MSRB3: variants seen among roughly 807,000 people sequenced by gnomAD.
MSRB3 encodes the protein methionine sulfoxide reductase B3.
Under a neutral mutation model 21.0 loss-of-function variants are expected in MSRB3, and 13 were observed. The observed-to-expected ratio is 0.62, with a 90% CI of 0.40 to 0.98. The LOEUF (loss-of-function observed/expected upper bound fraction) is 0.98. Among genes scored for constraint, MSRB3 ranks in the 50% least tolerant of loss-of-function variants. MSRB3 has a pLI of 0.00. For synonymous variants in MSRB3, 87 were observed against 88.6 expected (o/e 0.98, Z 0.10); for missense variants, 199 against 230.3 (o/e 0.86, Z 0.88).
intron 5 of MSRB3, among the ~76,000 whole-genome samples, chr12:65,374,981 C>A (rs2136545156): frequency 6.6e-6 from 1 of 151,304 alleles, no homozygotes; most frequent in South Asian, 2.1e-4. Flanking sequence ...TCTCGAGTAG[C>A]CGGGACTACA....
intron 4 of MSRB3, among the ~76,000 whole-genome samples, chr12:65,359,738 GA>G (rs1319020008): frequency 2.0e-5 from 3 of 152,150 alleles, no homozygotes; most frequent in African/African-American, 4.8e-5. Context: ...TGAAAATAGT[GA>G]TGAGGAGTAG....
intron 5 of MSRB3, among the ~76,000 whole-genome samples, chr12:65,422,040 A>T (rs1223727275): frequency 1.3e-5 from 2 of 152,162 alleles, no homozygotes; most frequent in Admixed American, 1.3e-4. Flanking sequence ...AGGAAAACCT[A>T]CCAAGCAAAT....
rs1483561755 is a variant in MSRB3 at position 65,371,497 on chromosome 12, G to GAA, written c.292+2475_292+2476dup. ...TGAAGGAATATGCCAATCTTACTAGGAAAAACAAAACCATAAAAAATAAAT... is the reference window on the plus strand; with the variant it reads ...TGAAGGAATATGCCAATCTTACTAGGAAAAAAACAAAACCATAAAAAATAAAT... On this transcript the variant is annotated intron_variant, in intron 5 of 6. Coordinates refer to ENST00000308259, the MANE Select transcript of MSRB3 (RefSeq NM_001031679.3). 6.0e-5 allele frequency among the ~76,000 whole-genome samples: 9 copies of GAA among 148,812 alleles called. No individual in the cohort carries two copies. The East Asian group carries it at 1.8e-3, about 29-fold the overall frequency.
At chr12:65,435,344 T>C (rs1316911926) in intron 5 of MSRB3, among the ~76,000 whole-genome samples, 4 of 151,952 alleles carry the variant, frequency 2.6e-5, no homozygotes, top group African/African-American at 9.7e-5. Context: ...GTTTACTCTT[T>C]AGTATTTTCT....
At chr12:65,422,238 G>A (rs1351099944) in intron 5 of MSRB3, among the ~76,000 whole-genome samples, 1 of 151,684 alleles carries the variant, frequency 6.6e-6, no homozygotes, top group Middle Eastern at 3.2e-3. Flanking sequence ...CAAGTCCTTA[G>A]AGACCTACAA....
At chr12:65,356,073 G>T (rs910581479) in intron 4 of MSRB3, among the ~76,000 whole-genome samples, 7 of 151,778 alleles carry the variant, frequency 4.6e-5, no homozygotes, top group Non-Finnish European at 8.8e-5. Context: ...TTGAAGGAAG[G>T]GTTCTTGATA....
chr12:65,379,171 CA>C (rs1878803481), intron 5 of MSRB3, among the ~76,000 whole-genome samples: 5 of 17,120 alleles, frequency 2.9e-4, no homozygotes, highest in Non-Finnish European at 6.5e-4. Flanking sequence ...ACCATCCTTC[CA>C]TCCATCCATC....
At chr12:65,394,001 ATAAG>A (rs1879636058) in intron 5 of MSRB3, among the ~76,000 whole-genome samples, 1 of 152,132 alleles carries the variant, frequency 6.6e-6, no homozygotes, top group South Asian at 2.1e-4. Flanking sequence ...GTATTTATAA[ATAAG>A]TAAGGTAAAT....
chr12:65,393,792 A>T (rs1258740586), intron 5 of MSRB3, among the ~76,000 whole-genome samples: 4 of 152,106 alleles, frequency 2.6e-5, no homozygotes, highest in Non-Finnish European at 5.9e-5. Context: ...AAATACAGAA[A>T]ATCTCCCGTA....
intron 5 of MSRB3, among the ~76,000 whole-genome samples, chr12:65,415,509 ACT>A (rs1880923174): frequency 6.6e-6 from 1 of 152,152 alleles, no homozygotes; most frequent in Non-Finnish European, 1.5e-5. Context: ...CCTGATCAAC[ACT>A]GTTTCAGACT....
intron 4 of MSRB3, among the ~76,000 whole-genome samples, chr12:65,343,713 G>C (rs1171039867): frequency 1.3e-5 from 2 of 151,986 alleles, no homozygotes; most frequent in Non-Finnish European, 2.9e-5. Context: ...GATGGAGCTA[G>C]GACATAGATT....
At position 65,443,351 on chromosome 12, in the gene MSRB3, T is replaced by A. The variant is rs1031846493; in HGVS notation, c.293-10377T>A. ...GTGATAAGGCTACACCGTTTGTACA[T>A]CTGAACTTGTTAATAATTTTTTGAA... is the stretch of plus-strand genomic sequence containing the variant. On this transcript the variant is annotated intron_variant, in intron 5 of 6. Coordinates refer to ENST00000308259, the MANE Select transcript of MSRB3 (RefSeq NM_001031679.3). Among the ~76,000 whole-genome samples the A allele has an allele frequency of 3.9e-5, 6 of 152,124 alleles. 1 individual carries two copies. Among genetic ancestry groups the A allele is most frequent in the Admixed American group, 3.9e-4 (6 of 15,248 alleles).
intron 5 of MSRB3, among the ~76,000 whole-genome samples, chr12:65,433,823 A>G (rs1165940364): frequency 1.3e-5 from 2 of 151,838 alleles, no homozygotes; most frequent in Non-Finnish European, 2.9e-5. Context: ...TTAGCTTCCT[A>G]TCCTGCAGCC....
chr12:65,283,055 T>C (rs1418458015), intron 1 of MSRB3, among the ~76,000 whole-genome samples: 1 of 152,234 alleles, frequency 6.6e-6, no homozygotes, highest in African/African-American at 2.4e-5. Flanking sequence ...CTCCAGTGGC[T>C]CTTTAGGATA....
chr12:65,359,777 G>C (rs915373029), intron 4 of MSRB3, among the ~76,000 whole-genome samples: 1 of 152,116 alleles, frequency 6.6e-6, no homozygotes, highest in Non-Finnish European at 1.5e-5. Context: ...TGTAAAATGA[G>C]TTAAAGTGTG....
intron 5 of MSRB3, among the ~76,000 whole-genome samples, chr12:65,375,815 A>G (rs1212178498): frequency 6.6e-6 from 1 of 151,746 alleles, no homozygotes; most frequent in African/African-American, 2.4e-5. Flanking sequence ...TTTTTTTTAA[A>G]TTTCCAAATT....
intron 4 of MSRB3, among the ~76,000 whole-genome samples, chr12:65,366,298 C>T (rs1878010653): frequency 6.6e-6 from 1 of 152,276 alleles, no homozygotes; most frequent in East Asian, 1.9e-4. Context: ...TTTGGCCACT[C>T]CTTGGACTGG....
intron 4 of MSRB3, among the ~76,000 whole-genome samples, chr12:65,368,447 G>T (rs969710974): frequency 6.6e-6 from 1 of 152,114 alleles, no homozygotes; most frequent in African/African-American, 2.4e-5. Flanking sequence ...TCCCACAGCC[G>T]AACTGAGAGC....
chr12:65,361,124 T>C (rs973325317), intron 4 of MSRB3, among the ~76,000 whole-genome samples: 5 of 152,158 alleles, frequency 3.3e-5, no homozygotes, highest in Non-Finnish European at 5.9e-5. Context: ...AAGTATGATA[T>C]TACTAATTGT....
Sources: gnomAD v4.1 joint callset for allele counts (sites outside exome capture counted in the v4.1 genomes callset) on GRCh38, gnomAD v4.1.1 for gene constraint, MANE v1.5 for transcripts, NCBI Gene and HGNC (gene_info 2026-07-23, HGNC 2026-07-21) for gene names.